LARP4B: variants seen among roughly 807,000 people sequenced by gnomAD.
The protein encoded by LARP4B is la-related protein 4B.
In LARP4B, 12 loss-of-function variants were observed where a neutral mutation model predicts 89.8. The observed-to-expected ratio is 0.13, with a 90% CI of 0.09 to 0.22. The LOEUF (loss-of-function observed/expected upper bound fraction) is 0.22, where lower values mean the gene tolerates loss of function less well. Ranked by LOEUF, LARP4B falls within the 10% of genes least tolerant of loss-of-function variation. The pLI, the probability that LARP4B is intolerant of heterozygous loss-of-function variation, is 1.00. For synonymous variants in LARP4B, 367 were observed against 363.3 expected (o/e 1.01, Z -0.12); for missense variants, 757 against 947.7 (o/e 0.80, Z 2.64).
Position 863,750 on chromosome 10 carries a change from G to T in LARP4B, c.423C>A (p.Ser141Arg). The change falls in exon 5 of 18, where the codon AGC (serine) becomes AGA (arginine). Residue 141 changes from serine to arginine, a missense_variant. By Grantham distance (110) the Ser-to-Arg change is moderately radical (BLOSUM62 -1). Transcript: ENST00000316157. The stretch of plus-strand genomic sequence containing the variant: ...CCCATAAGATATGTTTACCTGTCTC[G>T]CTATTTTCAGGCAGAGAGTCATATT... ...PSEYDSLPEN[S>R]ETGGNESQPD... The T allele has an allele frequency of 6.2e-7, 1 of 1,604,436 alleles. No individual in the cohort carries two copies.
At chr10:832,884 T>G (rs969918313) in intron 8 of LARP4B, among the ~76,000 whole-genome samples, 1 of 152,162 alleles carries the variant, frequency 6.6e-6, no homozygotes, top group Non-Finnish European at 1.5e-5. Flanking sequence ...AAATGGCAAA[T>G]ACTGAATAAA....
intron 7 of LARP4B, among the ~76,000 whole-genome samples, chr10:842,199 A>T (rs1457271990): frequency 2.1e-5 from 3 of 144,530 alleles, no homozygotes; most frequent in African/African-American, 5.1e-5. Flanking sequence ...TCACAACATA[A>T]TTTTTTTTTT....
chr10:916,718 G>GACAA (rs2132035981), intron 1 of LARP4B, among the ~76,000 whole-genome samples: 1 of 152,212 alleles, frequency 6.6e-6, no homozygotes, highest in South Asian at 2.1e-4. Context: ...TAAATAAAGA[G>GACAA]ACAAGGTCTT....
upstream of LARP4B, among the ~76,000 whole-genome samples, chr10:933,474 C>T (rs567113041): frequency 5.3e-5 from 8 of 152,272 alleles, no homozygotes; most frequent in Admixed American, 3.9e-4. Flanking sequence ...AAAGCCTCTC[C>T]GGCTTCCCAT....
chr10:893,226 A>G (rs1359476191), intron 1 of LARP4B, among the ~76,000 whole-genome samples: 1 of 151,992 alleles, frequency 6.6e-6, no homozygotes, highest in Non-Finnish European at 1.5e-5. Context: ...CACACCAAGA[A>G]ATCTTAAAAT....
At chr10:909,506 C>T (rs1057262446) in intron 1 of LARP4B, among the ~76,000 whole-genome samples, 3 of 151,940 alleles carry the variant, frequency 2.0e-5, no homozygotes, top group Non-Finnish European at 4.4e-5. Context: ...CAAAAGAGAC[C>T]GGGCTCTGTG....
At chr10:945,615 G>A in the LARP4B span, among the ~76,000 whole-genome samples, 1 of 151,146 alleles carries the variant, frequency 6.6e-6, no homozygotes, top group East Asian at 1.9e-4. Context: ...GTGAACCCGG[G>A]AGGCGGAGCT....
intron 1 of LARP4B, among the ~76,000 whole-genome samples, chr10:917,767 T>C (rs1836863961): frequency 6.6e-6 from 1 of 152,226 alleles, no homozygotes; most frequent in Non-Finnish European, 1.5e-5. Context: ...CAAAATTCCT[T>C]ATGAAAGTTC....
chr10:929,713 T>C (rs1837247645), intron 1 of LARP4B, among the ~76,000 whole-genome samples: 1 of 152,226 alleles, frequency 6.6e-6, no homozygotes, highest in South Asian at 2.1e-4. Context: ...CTGTTACAAT[T>C]GAGAAAATGT....
intron 1 of LARP4B, among the ~76,000 whole-genome samples, chr10:918,924 C>T (rs1836902643): frequency 6.6e-6 from 1 of 151,168 alleles, no homozygotes; most frequent in South Asian, 2.1e-4. Flanking sequence ...AAAAAAAATA[C>T]AAAAAAATTA....
chr10:909,939 C>A (rs1836621529), intron 1 of LARP4B, among the ~76,000 whole-genome samples: 1 of 152,016 alleles, frequency 6.6e-6, no homozygotes, highest in Non-Finnish European at 1.5e-5. Context: ...TATATGCCTA[C>A]TTCAATAGAC....
chr10:926,658 TA>T (rs1837142775), intron 1 of LARP4B, among the ~76,000 whole-genome samples: 1 of 152,252 alleles, frequency 6.6e-6, no homozygotes, highest in South Asian at 2.1e-4. Context: ...TCAGACTTCA[TA>T]AAGAACACTT....
chr10:950,257 T>C, the LARP4B span, among the ~76,000 whole-genome samples: 1 of 152,216 alleles, frequency 6.6e-6, no homozygotes, highest in Non-Finnish European at 1.5e-5. Flanking sequence ...GAAGTCCAAT[T>C]TTTCTATTTT....
At chr10:849,132 A>G (rs377563142) in intron 5 of LARP4B, among the ~76,000 whole-genome samples, 3 of 152,150 alleles carry the variant, frequency 2.0e-5, no homozygotes, top group African/African-American at 7.2e-5. Context: ...TCATTAAAAC[A>G]GCGAAACAAA....
At chr10:910,114 C>T (rs920650277) in intron 1 of LARP4B, among the ~76,000 whole-genome samples, 5 of 152,206 alleles carry the variant, frequency 3.3e-5, no homozygotes, top group Non-Finnish European at 7.3e-5. Context: ...TTACCCTTAT[C>T]TTCATGTTCC....
At chr10:944,331 T>G in the LARP4B span, among the ~76,000 whole-genome samples, 1 of 152,074 alleles carries the variant, frequency 6.6e-6, no homozygotes, top group African/African-American at 2.4e-5. Context: ...GTTAGTTGGT[T>G]TTCACCACAG....
intron 1 of LARP4B, among the ~76,000 whole-genome samples, chr10:900,418 G>GTTTTTTT (rs1265812633): frequency 2.5e-5 from 1 of 40,452 alleles, no homozygotes; most frequent in African/African-American, 9.7e-5. Flanking sequence ...AAAGAAGGAT[G>GTTTTTTT]TCTTTTTTTT....
chr10:971,478 T>C, the LARP4B span: 1 of 152,212 alleles, frequency 6.6e-6, no homozygotes, highest in East Asian at 1.9e-4. Flanking sequence ...AAAAACATTT[T>C]CCTCAATTTG....
At chr10:843,623 C>T (rs1182391137) in intron 6 of LARP4B, among the ~76,000 whole-genome samples, 4 of 151,948 alleles carry the variant, frequency 2.6e-5, no homozygotes, top group African/African-American at 7.3e-5. Context: ...CGCTTGAACC[C>T]GAGAGGTGGA....
Sources: allele counts gnomAD v4.1 joint callset (sites outside exome capture counted in the v4.1 genomes callset), GRCh38; gene constraint gnomAD v4.1.1; transcripts MANE v1.5; gene names NCBI Gene and HGNC (gene_info 2026-07-23, HGNC 2026-07-21).